The following STK3 variants were observed in gnomAD, a reference collection of about 807,000 sequenced individuals.
STK3 encodes the protein serine/threonine-protein kinase 3.
A neutral mutation model predicts 58.0 loss-of-function variants in STK3; 41 were observed. That is an observed-to-expected ratio of 0.71 (90% confidence interval 0.55 to 0.92). The LOEUF (loss-of-function observed/expected upper bound fraction) is 0.92. STK3 is among the 40% of genes least tolerant of loss of function. STK3 has a pLI of 0.00. For synonymous variants in STK3, 170 were observed against 191.0 expected (o/e 0.89, Z 0.91); for missense variants, 479 against 602.7 (o/e 0.79, Z 2.15).
intron 3 of STK3, among the ~76,000 whole-genome samples, chr8:98,417,768 G>T (rs1292706437): frequency 6.6e-6 from 1 of 152,136 alleles, no homozygotes. Context: ...GCTAGCTTTT[G>T]TTATTATTAC....
chr8:98,730,791 A>G (rs1254315545), intron 4 of STK3, among the ~76,000 whole-genome samples: 1 of 151,534 alleles, frequency 6.6e-6, no homozygotes, highest in African/African-American at 2.4e-5. Context: ...GATGCTGGGT[A>G]CTCTTGAATC....
At chr8:98,530,078 T>TA (rs1402969097) in intron 9 of STK3, among the ~76,000 whole-genome samples, 2 of 152,212 alleles carry the variant, frequency 1.3e-5, no homozygotes, top group Admixed American at 1.3e-4. Flanking sequence ...CGCAATAATG[T>TA]AAGTCACATA....
chr8:98,433,063 GT>G (rs201567702), intron 3 of STK3, among the ~76,000 whole-genome samples: 2 of 151,752 alleles, frequency 1.3e-5, no homozygotes, highest in South Asian at 2.1e-4. Context: ...AAGCCTGGGT[GT>G]TTTTTTTGTT....
chr8:98,817,823 T>G (rs1834651191), intron 1 of STK3, among the ~76,000 whole-genome samples: 1 of 152,192 alleles, frequency 6.6e-6, no homozygotes, highest in South Asian at 2.1e-4. Context: ...TGTTTCTCTT[T>G]TATTCTTAAC....
intron 1 of STK3, among the ~76,000 whole-genome samples, chr8:98,784,670 G>A (rs4413739): frequency 0.67 from 102,545 of 151,988 alleles, 35,026 homozygotes; most frequent in South Asian, 0.76. Flanking sequence ...ACCTGCAACC[G>A]CAGTCTGAGT....
intron 3 of STK3, among the ~76,000 whole-genome samples, chr8:98,404,651 G>A (rs538407571): frequency 7.0e-6 from 1 of 142,378 alleles, no homozygotes; most frequent in South Asian, 2.2e-4. Flanking sequence ...CTGCACTCCA[G>A]CCTGGGTGAA....
intron 6 of STK3, among the ~76,000 whole-genome samples, chr8:98,663,584 C>T (rs1041542377): frequency 6.6e-6 from 1 of 152,140 alleles, no homozygotes; most frequent in Non-Finnish European, 1.5e-5. Context: ...ATGTTTACTG[C>T]AGCACTATTC....
intron 9 of STK3, among the ~76,000 whole-genome samples, chr8:98,543,173 G>A (rs1466071584): frequency 7.1e-6 from 1 of 141,652 alleles, no homozygotes; most frequent in Non-Finnish European, 1.6e-5. Context: ...AAATCCCACA[G>A]GAGGATTTAG....
intron 1 of STK3, among the ~76,000 whole-genome samples, chr8:98,939,004 A>G (rs953317280): frequency 2.6e-5 from 4 of 152,106 alleles, no homozygotes; most frequent in African/African-American, 7.2e-5. Flanking sequence ...CTTTTTCTCC[A>G]TTGCTCTCCC....
the STK3 span, among the ~76,000 whole-genome samples, chr8:98,357,949 TC>T: frequency 9.4e-3 from 1,438 of 152,170 alleles, 14 homozygotes; most frequent in African/African-American, 0.033. Flanking sequence ...CTGTGGCCTT[TC>T]CCCAGGACCC....
At chr8:98,849,189 G>A (rs1836335463) in intron 3 of STK3, among the ~76,000 whole-genome samples, 1 of 144,264 alleles carries the variant, frequency 6.9e-6, no homozygotes, top group Admixed American at 7.2e-5. Flanking sequence ...TCACGCCACT[G>A]CACTACAGCC....
intron 4 of STK3, among the ~76,000 whole-genome samples, chr8:98,714,576 G>A (rs576136520): frequency 1.3e-5 from 2 of 152,180 alleles, no homozygotes; most frequent in East Asian, 3.9e-4. Context: ...AACTTACAAG[G>A]GACATGAAGG....
At chr8:98,587,963 C>A (rs184313003) in intron 7 of STK3, among the ~76,000 whole-genome samples, 1 of 152,252 alleles carries the variant, frequency 6.6e-6, no homozygotes, top group East Asian at 1.9e-4. Context: ...AGATTTTCCT[C>A]CATCCTTGTA....
chr8:98,619,138 CAG>C (rs1818032087), intron 6 of STK3, among the ~76,000 whole-genome samples: 1 of 151,196 alleles, frequency 6.6e-6, no homozygotes, highest in African/African-American at 2.4e-5. Context: ...TGGAACAGAA[CAG>C]AGCCCTCAGA....
intron 1 of STK3, among the ~76,000 whole-genome samples, chr8:98,776,380 T>G: frequency 6.6e-6 from 1 of 152,204 alleles, no homozygotes. Flanking sequence ...CAAGATTTTG[T>G]TATTCCTTGA....
intron 8 of STK3, among the ~76,000 whole-genome samples, chr8:98,565,009 T>C (rs1812361065): frequency 6.6e-6 from 1 of 152,178 alleles, no homozygotes; most frequent in Admixed American, 6.6e-5. Flanking sequence ...ACTATTTTTC[T>C]ATTTCTTCTA....
At position 98,767,053 on chromosome 8, in the gene STK3, G is replaced by A. The variant is rs143131666; in HGVS notation, c.236+190C>T. On this transcript the variant is annotated intron_variant, in intron 3 of 10. Coordinates refer to ENST00000419617, the MANE Select transcript of STK3 (RefSeq NM_006281.4). ...GGAGAATCGCTTGAACCCAGAAAGC[G>A]GAGGTTGTGGTGAGCCGAGATGGCG... 8.6e-3 allele frequency among the ~76,000 whole-genome samples: 1,309 copies of A among 152,226 alleles called. 10 individuals are homozygous for A. The highest frequency in any genetic ancestry group is 0.029 in the African/African-American group (1,223 of 41,516).
At chr8:98,896,582 C>G (rs1379103472) in intron 1 of STK3, among the ~76,000 whole-genome samples, 1 of 152,214 alleles carries the variant, frequency 6.6e-6, no homozygotes, top group African/African-American at 2.4e-5. Flanking sequence ...ATTCTATTAC[C>G]TGCCTCTGTT....
rs186182651 is a variant in STK3 at position 98,780,118 on chromosome 8, T to C, written c.27-5299A>G. ...CATAAGATCACTATTGTCATAACTA[T>C]ATGGTAATTATTAAAATTATTGATT... On this transcript the variant is annotated intron_variant, in intron 1 of 10. Coordinates refer to ENST00000419617, the MANE Select transcript of STK3 (RefSeq NM_006281.4). Among the ~76,000 whole-genome samples the C allele has an allele frequency of 6.4e-4, 97 of 151,650 alleles. No homozygotes were observed. In the East Asian group the frequency reaches 0.012, roughly 19 times the overall value.
Sources: allele counts gnomAD v4.1 joint callset (sites outside exome capture counted in the v4.1 genomes callset), GRCh38; gene constraint gnomAD v4.1.1; transcripts MANE v1.5; gene names NCBI Gene and HGNC (gene_info 2026-07-23, HGNC 2026-07-21).